Variants in TGFA observed in about 807,000 individuals in gnomAD.
TGFA encodes protransforming growth factor alpha.
A neutral mutation model predicts 21.7 loss-of-function variants in TGFA; 12 were observed. That is an observed-to-expected ratio of 0.55 (90% confidence interval 0.35 to 0.90). The LOEUF (loss-of-function observed/expected upper bound fraction) is 0.90. Among genes scored for constraint, TGFA ranks in the 40% least tolerant of loss-of-function variants. TGFA has a pLI of 0.01. For synonymous variants in TGFA, 79 were observed against 88.1 expected (o/e 0.90, Z 0.58); for missense variants, 178 against 210.8 (o/e 0.84, Z 0.96).
intron 1 of TGFA, among the ~76,000 whole-genome samples, chr2:70,524,552 G>C (rs916847827): frequency 6.1e-4 from 93 of 152,324 alleles, no homozygotes; most frequent in African/African-American, 2.2e-3. Flanking sequence ...TCACCAACAG[G>C]CTCTACCAGG....
intron 2 of TGFA, among the ~76,000 whole-genome samples, chr2:70,473,336 C>T (rs1286293108): frequency 1.3e-5 from 2 of 152,052 alleles, no homozygotes; most frequent in Non-Finnish European, 1.5e-5. Context: ...AACCCAGTGG[C>T]TGCCCAGAGA....
intron 2 of TGFA, among the ~76,000 whole-genome samples, chr2:70,500,270 T>A (rs1671698188): frequency 6.6e-6 from 1 of 152,114 alleles, no homozygotes; most frequent in South Asian, 2.1e-4. Context: ...CAGGAACTCT[T>A]TTACTTAAAA....
chr2:70,474,979 T>TGTGTGG (rs1347576856), intron 2 of TGFA, among the ~76,000 whole-genome samples: 1 of 151,534 alleles, frequency 6.6e-6, no homozygotes, highest in East Asian at 1.9e-4. Flanking sequence ...CGTGTGTGTG[T>TGTGTGG]GTGTGTGTGT....
At chr2:70,500,296 G>A (rs1462840665) in intron 2 of TGFA, among the ~76,000 whole-genome samples, 4 of 152,230 alleles carry the variant, frequency 2.6e-5, no homozygotes, top group Non-Finnish European at 5.9e-5. Context: ...AATATTAACT[G>A]AGAATCCTCT....
At chr2:70,497,417 C>T (rs1671609782) in intron 2 of TGFA, among the ~76,000 whole-genome samples, 1 of 152,190 alleles carries the variant, frequency 6.6e-6, no homozygotes, top group Non-Finnish European at 1.5e-5. Context: ...CATTTCTGTT[C>T]AATTCAGTGA....
At chr2:70,494,958 TTA>T (rs752169663) in intron 2 of TGFA, among the ~76,000 whole-genome samples, 31 of 152,240 alleles carry the variant, frequency 2.0e-4, no homozygotes, top group Non-Finnish European at 3.7e-4. Context: ...ATTATAATTT[TTA>T]TGTCTCTATT....
rs376988843 is a variant in TGFA, at chr2:70,504,473, C to CATATATATATATATATATAT, written c.94+10385_94+10386insATATATATATATATATATAT. Among the ~76,000 whole-genome samples the CATATATATATATATATATAT allele has an allele frequency of 2.4e-3, 190 of 78,648 alleles. 1 individual carries two copies. Among genetic ancestry groups the CATATATATATATATATATAT allele is most frequent in the Middle Eastern group, 5.1e-3 (1 of 196 alleles). 51.6% of individuals were successfully genotyped at this position (78,648 alleles called of 152,430 possible). A position where few individuals can be genotyped will look rare whatever the true frequency, so the allele number is the denominator to read the frequency against. On this transcript the variant is annotated intron_variant, in intron 2 of 5. Transcript: ENST00000295400. ...ATATATATATATATATACACACATA[C>CATATATATATATATATATAT]ATACATACATACACACACACACACA...
At chr2:70,546,079 A>G (rs1296071472) in intron 1 of TGFA, among the ~76,000 whole-genome samples, 1 of 152,226 alleles carries the variant, frequency 6.6e-6, no homozygotes, top group African/African-American at 2.4e-5. Context: ...AGTGTTATGG[A>G]AGATCAAGAA....
intron 2 of TGFA, among the ~76,000 whole-genome samples, chr2:70,488,476 T>C (rs1214333911): frequency 6.6e-6 from 1 of 152,252 alleles, no homozygotes; most frequent in Non-Finnish European, 1.5e-5. Context: ...GTTACCTTTA[T>C]CATAGGCTAA....
At chr2:70,466,517 A>G (rs1333685488) in intron 2 of TGFA, among the ~76,000 whole-genome samples, 2 of 152,110 alleles carry the variant, frequency 1.3e-5, no homozygotes, top group East Asian at 1.9e-4. Context: ...TGTCTCAAAA[A>G]AAACCAAAAA....
chr2:70,549,492 G>A (rs1397707440), intron 1 of TGFA, among the ~76,000 whole-genome samples: 4 of 152,176 alleles, frequency 2.6e-5, no homozygotes, highest in African/African-American at 9.7e-5. Flanking sequence ...AACCGCAGTG[G>A]AGGAGGCCTG....
At chr2:70,475,245 A>G (rs548213667) in intron 2 of TGFA, among the ~76,000 whole-genome samples, 73 of 152,328 alleles carry the variant, frequency 4.8e-4, no homozygotes, top group African/African-American at 1.7e-3. Context: ...TGATGACATT[A>G]TTATTAGGAG....
chr2:70,550,485 A>G (rs1673457644), intron 1 of TGFA, among the ~76,000 whole-genome samples: 1 of 151,882 alleles, frequency 6.6e-6, no homozygotes, highest in African/African-American at 2.4e-5. Context: ...TAAAATTAAA[A>G]AAGATTAAAT....
At chr2:70,492,946 T>C (rs993327407) in intron 2 of TGFA, among the ~76,000 whole-genome samples, 2 of 152,174 alleles carry the variant, frequency 1.3e-5, no homozygotes, top group African/African-American at 2.4e-5. Context: ...GACTAATTCA[T>C]TCTGATTTTA....
chr2:70,512,292 C>T (rs949578172), intron 2 of TGFA, among the ~76,000 whole-genome samples: 10 of 152,092 alleles, frequency 6.6e-5, no homozygotes, highest in African/African-American at 2.4e-4. Context: ...CTCTAAGGCC[C>T]TGGGGTGCAA....
intron 1 of TGFA, among the ~76,000 whole-genome samples, chr2:70,547,708 G>A (rs1210577187): frequency 1.4e-5 from 2 of 147,914 alleles, no homozygotes; most frequent in Non-Finnish European, 3.0e-5. Context: ...AATAAGTATA[G>A]ATAGTATACT....
chr2:70,478,301 G>A (rs187605428), intron 2 of TGFA, among the ~76,000 whole-genome samples: 1 of 152,290 alleles, frequency 6.6e-6, no homozygotes, highest in East Asian at 1.9e-4. Flanking sequence ...GGGCACAACT[G>A]TTTTGATGGA....
chr2:70,465,796 C>T, intron 2 of TGFA, 60 bp from the exon 3 acceptor site: 2 of 1,599,040 alleles, frequency 1.3e-6, no homozygotes, highest in Middle Eastern at 2.2e-4. Flanking sequence ...AAACCCCACA[C>T]CTCCCACCCT....
rs1185959918 is a variant in TGFA at position 70,449,804 on chromosome 2, A to G, written c.*1055T>C. 5.2e-6 allele frequency: 1 copy of G among 192,372 alleles called. No individual in the cohort carries two copies. Among genetic ancestry groups the G allele is most frequent in the Non-Finnish European group, 1.1e-5 (1 of 90,858 alleles). The allele number at this position is 192,372 out of a possible 1,614,324, so 11.9% of individuals were successfully genotyped here. A position where few individuals can be genotyped will look rare whatever the true frequency, so the allele number is the denominator to read the frequency against. On this transcript the variant is annotated 3_prime_UTR_variant, in exon 6 of 6. Coordinates refer to ENST00000295400, the MANE Select transcript of TGFA (RefSeq NM_003236.4). Reference sequence around the variant, plus strand: ...CTGAAATGCCTATGGCTCGTGGCTAATGTTCTATTTCTAAACATACTTACC... The same window carrying G: ...CTGAAATGCCTATGGCTCGTGGCTAGTGTTCTATTTCTAAACATACTTACC...
Sources: gnomAD v4.1 joint callset for allele counts (sites outside exome capture counted in the v4.1 genomes callset) on GRCh38, gnomAD v4.1.1 for gene constraint, MANE v1.5 for transcripts, NCBI Gene and HGNC (gene_info 2026-07-23, HGNC 2026-07-21) for gene names.